Variants in TTC23L observed in about 807,000 individuals in gnomAD.
TTC23L encodes the protein tetratricopeptide repeat protein 23-like.
A neutral mutation model predicts 48.1 loss-of-function variants in TTC23L; 42 were observed. The ratio of observed to expected loss-of-function variants is 0.87; its 90% CI spans 0.68 to 1.13. The LOEUF (loss-of-function observed/expected upper bound fraction) is 1.13. Ranked by LOEUF, TTC23L falls within the 50% of genes most tolerant of loss-of-function variation. The pLI, the probability that TTC23L is intolerant of heterozygous loss-of-function variation, is 0.00. For synonymous variants in TTC23L, 159 were observed against 157.2 expected, an observed-to-expected ratio of 1.01 and a Z score of -0.09; for missense variants, 391 against 421.0, an observed-to-expected ratio of 0.93 and a Z score of 0.62.
At chr5:34,925,207 C>CTTTT in the TTC23L span, 28 of 1,357,940 alleles carry the variant, frequency 2.1e-5, no homozygotes, top group South Asian at 1.2e-4. Context: ...AGCATCTAAT[C>CTTTT]TTTTTTTTTT....
chr5:34,845,569 A>C, exon 3 of TTC23L: 2 of 1,614,006 alleles, frequency 1.2e-6, no homozygotes, highest in Non-Finnish European at 1.7e-6. Flanking sequence ...TGAAGAGGAA[A>C]CTAAAGCTAA....
Position 34,884,185 on chromosome 5 carries a change from T to C in TTC23L, c.1077+3877T>C, listed in dbSNP as rs765964718. ...GATACTCTGAGATGCAGAAAAAGCA[T>C]TGGACAAAATTCAATACCTTTTCAT... On this transcript the variant is annotated intron_variant, in intron 9 of 10. Transcript: ENST00000505624. Among the ~76,000 whole-genome samples, 203 of 152,186 alleles carry C rather than the reference T, an allele frequency of 1.3e-3. 2 individuals carry two copies. The highest frequency in any genetic ancestry group is 9.0e-4 in the Non-Finnish European group (61 of 68,000).
chr5:34,923,621 T>C, the TTC23L span, among the ~76,000 whole-genome samples: 2 of 152,130 alleles, frequency 1.3e-5, no homozygotes, highest in African/African-American at 4.8e-5. Flanking sequence ...GTTGCCTAGG[T>C]TGGCCTTGAA....
At position 34,880,909 on chromosome 5, in the gene TTC23L, G is replaced by T. The variant is rs527859904; in HGVS notation, c.1077+601G>T. Among the ~76,000 whole-genome samples, 5 of 152,270 alleles carry T rather than the reference G, an allele frequency of 3.3e-5. No homozygotes were observed. In the South Asian group the frequency reaches 1.0e-3, roughly 32 times the overall value. Reference sequence around the variant, plus strand: ...CTGCCTTGGCCTCCCACAGTGCTGGGATTACAGGAGTGAGCCACTGTGCCC... The same window carrying T: ...CTGCCTTGGCCTCCCACAGTGCTGGTATTACAGGAGTGAGCCACTGTGCCC... On this transcript the variant is annotated intron_variant, in intron 9 of 10. Transcript: ENST00000505624.
chr5:34,916,033 C>T, the TTC23L span: 11 of 1,002,658 alleles, frequency 1.1e-5, no homozygotes, highest in Admixed American at 6.9e-5. Flanking sequence ...TAGCAATTCT[C>T]CCGGCCAGAC....
intron 2 of TTC23L, among the ~76,000 whole-genome samples, chr5:34,841,609 T>G (rs1340964839): frequency 1.3e-5 from 2 of 152,148 alleles, no homozygotes; most frequent in Non-Finnish European, 2.9e-5. Context: ...CCTTGGCCTC[T>G]TAGGCTCAAG....
intron 8 of TTC23L, among the ~76,000 whole-genome samples, chr5:34,876,209 A>C (rs2111592307): frequency 6.6e-6 from 1 of 152,328 alleles, no homozygotes; most frequent in Non-Finnish European, 1.5e-5. Context: ...TATCTTAGGA[A>C]GCTAGAAAAA....
chr5:34,924,801 G>GA, the TTC23L span: 1 of 1,387,392 alleles, frequency 7.2e-7, no homozygotes, highest in Non-Finnish European at 1.0e-6. Context: ...TACCTTTTGG[G>GA]AATAACGTAA....
chr5:34,899,125 C>T (rs1763406860), intron 10 of TTC23L, among the ~76,000 whole-genome samples: 1 of 152,096 alleles, frequency 6.6e-6, no homozygotes, highest in African/African-American at 2.4e-5. Flanking sequence ...CCTGGTTTGC[C>T]ATCTGAATCA....
chr5:34,919,552 C>A, the TTC23L span, among the ~76,000 whole-genome samples: 4 of 152,092 alleles, frequency 2.6e-5, no homozygotes, highest in Non-Finnish European at 5.9e-5. Flanking sequence ...TGAGAATTTT[C>A]CCATTTTTGA....
intron 4 of TTC23L, among the ~76,000 whole-genome samples, chr5:34,856,352 G>A (rs1421221557): frequency 1.3e-5 from 2 of 152,166 alleles, no homozygotes; most frequent in Non-Finnish European, 2.9e-5. Flanking sequence ...TGTTCAACTG[G>A]TTATCTGCAA....
chr5:34,879,268 A>G (rs547356011), intron 8 of TTC23L, among the ~76,000 whole-genome samples: 35 of 152,332 alleles, frequency 2.3e-4, no homozygotes, highest in Admixed American at 6.5e-4. Context: ...AAAAGCTGTG[A>G]CTACTATGCA....
chr5:34,880,545 C>G (rs576258588), intron 9 of TTC23L: 86 of 491,140 alleles, frequency 1.8e-4, no homozygotes, highest in African/African-American at 1.7e-3. Flanking sequence ...TACTTGGAAA[C>G]TGCAGAGTAG....
chr5:34,902,150 G>A (rs745771495), downstream of TTC23L, among the ~76,000 whole-genome samples: 33 of 151,958 alleles, frequency 2.2e-4, no homozygotes, highest in African/African-American at 6.0e-4. Context: ...ATGGCCGGGC[G>A]CGGTGGCTTA....
the TTC23L span, chr5:34,911,446 G>C: frequency 7.3e-7 from 1 of 1,373,318 alleles, no homozygotes; most frequent in South Asian, 1.4e-5. Context: ...CTAAAGTTGT[G>C]AAAACTCTAA....
intron 7 of TTC23L, chr5:34,868,039 C>T (rs1358147171): frequency 6.6e-6 from 1 of 152,170 alleles, no homozygotes; most frequent in Non-Finnish European, 1.5e-5. Flanking sequence ...TCTACGTTCC[C>T]TAGAGGATAT....
intron 7 of TTC23L, 61 bp from the exon 8 acceptor site, chr5:34,868,844 C>T: frequency 6.9e-7 from 1 of 1,455,766 alleles, no homozygotes; most frequent in Non-Finnish European, 9.4e-7. Context: ...CACCTCTCAT[C>T]TAAATCCACA....
the TTC23L span, chr5:34,914,714 T>C: frequency 2.5e-6 from 4 of 1,614,240 alleles, no homozygotes; most frequent in Middle Eastern, 1.6e-4. Flanking sequence ...AGCATTTGCT[T>C]GCACACACTT....
chr5:34,903,436 G>C (rs369335853), downstream of TTC23L, among the ~76,000 whole-genome samples: 3 of 151,976 alleles, frequency 2.0e-5, no homozygotes, highest in South Asian at 2.1e-4. Flanking sequence ...TCTCCCACCA[G>C]AGCGGTACAT....
Sources: allele counts gnomAD v4.1 joint callset (sites outside exome capture counted in the v4.1 genomes callset), GRCh38; gene constraint gnomAD v4.1.1; transcripts MANE v1.5; gene names NCBI Gene and HGNC (gene_info 2026-07-23, HGNC 2026-07-21).